PROX2: variants seen among roughly 807,000 people sequenced by gnomAD.
PROX2 encodes the protein prospero homeobox 2, also known as prospero homeobox protein 2.
A neutral mutation model predicts 48.9 loss-of-function variants in PROX2; 46 were observed. The observed-to-expected ratio is 0.94, with a 90% CI of 0.74 to 1.20. PROX2 has a LOEUF of 1.20. Among genes scored for constraint, PROX2 ranks in the 50% most tolerant of loss-of-function variants. PROX2 has a pLI of 0.00. For missense variants in PROX2, 663 were observed against 719.4 expected, an observed-to-expected ratio of 0.92 and a Z score of 0.90; for synonymous variants, 260 against 276.6, an observed-to-expected ratio of 0.94 and a Z score of 0.60.
At chr14:74,864,088 G>A (rs1467494227) in intron 2 of PROX2, 80 bp from the exon 3 acceptor site, 1 of 310,380 alleles carries the variant, frequency 3.2e-6, no homozygotes, top group Non-Finnish European at 5.8e-6. Flanking sequence ...AACATTCAAC[G>A]CGGTCTCGTT....
In PROX2 at chr14:74,863,596, T is replaced by C; in HGVS notation, c.239A>G (p.Asn80Ser). The change falls in exon 3 of 6, where the codon AAT (asparagine) becomes AGT (serine). Residue 80 changes from asparagine (N) to serine (S), a missense_variant. Asn to Ser is a conservative substitution (Grantham distance 46). Transcript: ENST00000556489. ...TIVRGMCLSPNPLVPGNAQAG... is the reference protein window; with the variant it reads ...TIVRGMCLSPSPLVPGNAQAG... Reference sequence around the variant, plus strand: ...TTGCGCATTGCCTGGCACCAGAGGATTCGGGGAGAGACACATGCCTCGGAC... The same window carrying C: ...TTGCGCATTGCCTGGCACCAGAGGACTCGGGGAGAGACACATGCCTCGGAC... 6.2e-7 allele frequency: 1 copy of C among 1,610,418 alleles called. No homozygotes were observed. The highest frequency in any genetic ancestry group is 1.3e-5 in the African/African-American group (1 of 75,000).
intron 2 of PROX2, among the ~76,000 whole-genome samples, chr14:74,864,331 T>G (rs572336168): frequency 5.0e-4 from 76 of 152,300 alleles, no homozygotes; most frequent in African/African-American, 1.8e-3. Flanking sequence ...TGCCAAGAAC[T>G]CTACATCCAT....
intron 2 of PROX2, among the ~76,000 whole-genome samples, chr14:74,870,440 ATAC>A (rs1353012939): frequency 4.3e-5 from 5 of 117,354 alleles, no homozygotes; most frequent in African/African-American, 2.1e-4. Flanking sequence ...AAAAAAAAAA[ATAC>A]ACACACACAC....
At chr14:74,872,649 CAT>C (rs1382359089) in intron 1 of PROX2, among the ~76,000 whole-genome samples, 1 of 152,222 alleles carries the variant, frequency 6.6e-6, no homozygotes, top group Non-Finnish European at 1.5e-5. Flanking sequence ...CTCAAAGTCA[CAT>C]AGCGTTTTTA....
intron 3 of PROX2, among the ~76,000 whole-genome samples, chr14:74,860,746 A>G (rs2091788670): frequency 6.6e-6 from 1 of 152,194 alleles, no homozygotes; most frequent in East Asian, 1.9e-4. Context: ...TACTTCACCC[A>G]TGCAGCCAGT....
rs759166443 is a variant in PROX2 at position 74,862,890 on chromosome 14, A to T, written c.945T>A (p.Pro315=). ...LAKRLDSPRY[P]IPPRMTPKPC... ...GTTTGGGGGTCATTCTTGGAGGGATAGGGTACCTAGGAGAATCTAGACGCT... is the reference window on the plus strand; with the variant it reads ...GTTTGGGGGTCATTCTTGGAGGGATTGGGTACCTAGGAGAATCTAGACGCT... The change falls in exon 3 of 6, where the codon CCT becomes CCA. Residue 315 remains proline (P), a synonymous_variant. Coordinates refer to ENST00000556489, the MANE Select transcript of PROX2 (RefSeq NM_001243007.2). 9.9e-6 allele frequency: 16 copies of T among 1,613,834 alleles called. No homozygotes were observed. The South Asian group carries it at 1.5e-4, about 16-fold the overall frequency.
intron 1 of PROX2, chr14:74,873,894 G>A: frequency 4.4e-6 from 2 of 455,968 alleles, no homozygotes; most frequent in African/African-American, 2.0e-5. Context: ...GGGAACTGCA[G>A]TGTGAGGAGC....
intron 3 of PROX2, among the ~76,000 whole-genome samples, chr14:74,862,143 A>G (rs939158582): frequency 2.0e-5 from 3 of 152,194 alleles, no homozygotes; most frequent in Admixed American, 1.3e-4. Flanking sequence ...ACCCTGAGTG[A>G]TCTGTCCCCA....
At chr14:74,861,150 G>A in intron 3 of PROX2, 1 of 1,260,498 alleles carries the variant, frequency 7.9e-7, no homozygotes, top group South Asian at 1.2e-5. Flanking sequence ...TAATGAGCTG[G>A]TCCCACCCCA....
At chr14:74,861,574 A>G (rs534203562) in intron 3 of PROX2, among the ~76,000 whole-genome samples, 6 of 152,362 alleles carry the variant, frequency 3.9e-5, no homozygotes, top group Admixed American at 6.5e-5. Flanking sequence ...AGATGATGCA[A>G]TAAGATCCAG....
chr14:74,873,665 A>C, intron 1 of PROX2: 1 of 373,802 alleles, frequency 2.7e-6, no homozygotes, highest in South Asian at 2.5e-5. Flanking sequence ...CTGAGAGTCC[A>C]TATTTTTAAA....
chr14:74,865,193 T>C (rs1883022592), intron 2 of PROX2: 1 of 151,520 alleles, frequency 6.6e-6, no homozygotes, highest in South Asian at 2.1e-4. Context: ...GTCCTAACTC[T>C]TGGAAAAATC....
intron 3 of PROX2, among the ~76,000 whole-genome samples, chr14:74,860,156 C>T (rs905363410): frequency 6.6e-6 from 1 of 152,124 alleles, no homozygotes; most frequent in African/African-American, 2.4e-5. Context: ...AGGTCTAAAC[C>T]CGTTATCTGA....
At chr14:74,856,176 A>C (rs2091741405) in intron 5 of PROX2, 4 of 152,356 alleles carry the variant, frequency 2.6e-5, no homozygotes, top group Admixed American at 2.6e-4. Context: ...TCAGCTGTGC[A>C]TGAGGCAACA....
intron 1 of PROX2, among the ~76,000 whole-genome samples, chr14:74,875,163 A>T (rs1566784178): frequency 6.6e-6 from 1 of 151,960 alleles, no homozygotes; most frequent in Non-Finnish European, 1.5e-5. Flanking sequence ...ATAAAAAATA[A>T]ATAAAATAAA....
intron 3 of PROX2, chr14:74,858,765 A>G (rs1566778396): frequency 5.2e-6 from 2 of 386,104 alleles, no homozygotes; most frequent in African/African-American, 2.4e-5. Flanking sequence ...TGTCAAATAC[A>G]GGTTGGTGTA....
intron 2 of PROX2, among the ~76,000 whole-genome samples, chr14:74,867,018 A>G (rs1206996857): frequency 6.6e-6 from 1 of 152,212 alleles, no homozygotes; most frequent in Non-Finnish European, 1.5e-5. Context: ...AGCAAAAGGA[A>G]GAGCAGTGGA....
In PROX2 at chr14:74,856,889, A is replaced by G; in HGVS notation, c.1520T>C (p.Val507Ala). 1.2e-6 allele frequency: 2 copies of G among 1,614,006 alleles called. No homozygotes were observed. The highest frequency in any genetic ancestry group is 8.5e-7 in the Non-Finnish European group (1 of 1,179,874). ...KSARQAISDG[V>A]TNPKMLVVLR... ...AACCACCAGCATTTTGGGATTTGTG[A>G]CACCATCTGAAATTGCTTGCCGGGC... The change falls in exon 5 of 6, where the codon GTC (valine) becomes GCC (alanine). Residue 507 changes from valine (V) to alanine (A), a missense_variant. Physicochemically the swap from Val to Ala is moderately conservative, Grantham distance 64 (BLOSUM62 0). Coordinates refer to ENST00000556489, the MANE Select transcript of PROX2 (RefSeq NM_001243007.2).
Position 74,854,175 on chromosome 14 carries a change from CAT to C in PROX2, c.*955_*956del, listed in dbSNP as rs1290435478. The C allele has an allele frequency of 2.9e-5, 12 of 413,690 alleles. No individual in the cohort carries two copies. Among genetic ancestry groups the C allele is most frequent in the Middle Eastern group, 3.4e-4 (1 of 2,934 alleles). 25.6% of individuals were successfully genotyped at this position (413,690 alleles called of 1,614,324 possible). ...ACAGTCTGAAGTTCAGCTTCTTCTG[CAT>C]ATATGAGGTTGGGGCACCAATTGCA... is the stretch of plus-strand genomic sequence containing the variant. On this transcript the variant is annotated 3_prime_UTR_variant, in exon 6 of 6. Coordinates refer to ENST00000556489, the MANE Select transcript of PROX2 (RefSeq NM_001243007.2).
Sources: gnomAD v4.1 joint callset for allele counts (sites outside exome capture counted in the v4.1 genomes callset) on GRCh38, gnomAD v4.1.1 for gene constraint, MANE v1.5 for transcripts, NCBI Gene and HGNC (gene_info 2026-07-23, HGNC 2026-07-21) for gene names.